The following UGT1A8 variants were observed in gnomAD, a reference collection of about 807,000 sequenced individuals.
The protein encoded by UGT1A8 is UDP-glucuronosyltransferase 1A8.
Under a neutral mutation model 45.3 loss-of-function variants are expected in UGT1A8, and 39 were observed. The observed-to-expected ratio is 0.86, with a 90% CI of 0.67 to 1.12. UGT1A8 has a LOEUF of 1.12. Among genes scored for constraint, UGT1A8 ranks in the 50% most tolerant of loss-of-function variants. The pLI is 0.00. For missense variants in UGT1A8, 719 were observed against 664.9 expected, an observed-to-expected ratio of 1.08 and a Z score of -0.90; for synonymous variants, 275 against 249.2, an observed-to-expected ratio of 1.10 and a Z score of -0.97.
intron 1 of UGT1A8, chr2:233,689,803 A>G (rs1559343828): frequency 3.4e-5 from 15 of 438,062 alleles, no homozygotes; most frequent in Non-Finnish European, 5.4e-5. Flanking sequence ...TGTAGTTTCT[A>G]TAGGAAACCA....
chr2:233,669,776 C>T (rs184924487), intron 1 of UGT1A8, among the ~76,000 whole-genome samples: 5 of 152,224 alleles, frequency 3.3e-5, no homozygotes, highest in South Asian at 2.1e-4. Context: ...CTCCGCTTCC[C>T]GGGTTCAAGT....
chr2:233,689,739 G>T (rs1053174218), intron 1 of UGT1A8, among the ~76,000 whole-genome samples: 3 of 152,308 alleles, frequency 2.0e-5, no homozygotes, highest in Admixed American at 6.5e-5. Flanking sequence ...AATCCATTTG[G>T]TGGGAGTCCA....
intron 1 of UGT1A8, among the ~76,000 whole-genome samples, chr2:233,646,528 T>G (rs973970168): frequency 8.5e-5 from 13 of 152,202 alleles, no homozygotes; most frequent in African/African-American, 3.1e-4. Flanking sequence ...GCTTTGCTTT[T>G]TAAAAATTTC....
At chr2:233,676,970 T>G (rs187885170) in intron 1 of UGT1A8, among the ~76,000 whole-genome samples, 1 of 152,324 alleles carries the variant, frequency 6.6e-6, no homozygotes, top group Non-Finnish European at 1.5e-5. Flanking sequence ...TGTGTAATAA[T>G]CTATAAATGA....
intron 1 of UGT1A8, among the ~76,000 whole-genome samples, chr2:233,744,682 A>C (rs1267258070): frequency 1.3e-5 from 2 of 151,904 alleles, no homozygotes; most frequent in African/African-American, 4.9e-5. Flanking sequence ...TCACCCATGT[A>C]GCTTCTGGAA....
chr2:233,692,620 A>G (rs1324523503), intron 1 of UGT1A8, among the ~76,000 whole-genome samples: 1 of 152,200 alleles, frequency 6.6e-6, no homozygotes, highest in Non-Finnish European at 1.5e-5. Flanking sequence ...CACATCATGG[A>G]CATAACAGAC....
rs146937754 is a variant in UGT1A8, at chr2:233,617,776, T to C, written c.69T>C (p.Ala23=). 1,029 of 1,614,078 alleles carry C rather than the reference T, an allele frequency of 6.4e-4. 5 individuals are homozygous for C. In the East Asian group the frequency reaches 0.011, roughly 17 times the overall value. The change falls in exon 1 of 5, where the codon GCT becomes GCC. Residue 23 remains alanine, a synonymous_variant. Coordinates refer to ENST00000373450, the MANE Select transcript of UGT1A8 (RefSeq NM_019076.5). ...CVSLLLTCGF[A]EAGKLLVVPM... is the part of the protein sequence containing the mutation. ...CTCTGCTGCTGACCTGTGGCTTTGC[T>C]GAGGCAGGGAAGCTGCTGGTAGTGC...
chr2:233,680,313 T>C (rs1352162267), intron 1 of UGT1A8, among the ~76,000 whole-genome samples: 1 of 152,168 alleles, frequency 6.6e-6, no homozygotes, highest in Non-Finnish European at 1.5e-5. Context: ...TGCAATTTAC[T>C]AGAGAGAAGA....
intron 1 of UGT1A8, among the ~76,000 whole-genome samples, chr2:233,726,661 A>G (rs2077549730): frequency 1.3e-5 from 2 of 152,200 alleles, no homozygotes; most frequent in Admixed American, 6.5e-5. Flanking sequence ...TAATTTAATC[A>G]TATCTGTGAA....
Position 233,714,266 on chromosome 2 carries a change from G to T in UGT1A8, c.856-52768G>T, listed in dbSNP as rs374255632. On this transcript the variant is annotated intron_variant, in intron 1 of 4. Transcript: ENST00000373450. Reference sequence around the variant, plus strand: ...GAGGAAGGAATAGAAATTTACAATTGTTGACGTGACAATTTTTAGTGGTCC... The same window carrying T: ...GAGGAAGGAATAGAAATTTACAATTTTTGACGTGACAATTTTTAGTGGTCC... Among the ~76,000 whole-genome samples the T allele has an allele frequency of 7.9e-5, 12 of 152,326 alleles. No homozygotes were observed. In the East Asian group the frequency reaches 2.3e-3, roughly 29 times the overall value.
rs180748838 is a variant in UGT1A8, at chr2:233,756,669, G to A, written c.856-10365G>A. ...AACATGGGATGCAGTGATTATTTCC[G>A]CTAGAACTGCTATATAATGACGATG... On this transcript the variant is annotated intron_variant, in intron 1 of 4. Transcript: ENST00000373450. 6.9e-4 allele frequency among the ~76,000 whole-genome samples: 105 copies of A among 152,198 alleles called. No homozygotes were observed. In the South Asian group the frequency reaches 9.1e-3, roughly 13 times the overall value.
chr2:233,755,095 C>T (rs1348652333), intron 1 of UGT1A8: 32 of 1,334,722 alleles, frequency 2.4e-5, no homozygotes, highest in Non-Finnish European at 3.1e-5. Context: ...CGTTTCTACG[C>T]GTCCGACAAC....
intron 1 of UGT1A8, among the ~76,000 whole-genome samples, chr2:233,703,998 C>A (rs2075762897): frequency 6.6e-6 from 1 of 151,952 alleles, no homozygotes; most frequent in South Asian, 2.1e-4. Flanking sequence ...TCAAGCAGTT[C>A]TCCCACCTCA....
At chr2:233,712,976 G>A (rs750445799) in intron 1 of UGT1A8, 18 of 1,612,962 alleles carry the variant, frequency 1.1e-5, no homozygotes, top group African/African-American at 6.7e-5. Flanking sequence ...GTCAGCTGTC[G>A]GTGGCTTCTG....
At chr2:233,768,541 A>C (rs1699639375) in intron 4 of UGT1A8, 102 bp downstream of exon 4, 3 of 1,492,216 alleles carry the variant, frequency 2.0e-6, no homozygotes, top group Non-Finnish European at 2.7e-6. Flanking sequence ...GTTGTTTCAA[A>C]TATAAAAACA....
intron 1 of UGT1A8, chr2:233,636,845 T>C (rs1323587461): frequency 2.5e-6 from 4 of 1,614,038 alleles, no homozygotes; most frequent in Non-Finnish European, 3.4e-6. Context: ...ATATTTTCTC[T>C]ATTAATGAGT....
intron 1 of UGT1A8, among the ~76,000 whole-genome samples, chr2:233,677,509 C>G (rs1272888813): frequency 6.6e-6 from 1 of 152,016 alleles, no homozygotes; most frequent in Non-Finnish European, 1.5e-5. Context: ...GTATTATATC[C>G]TGTATTATGA....
At chr2:233,623,656 A>G (rs1196345803) in intron 1 of UGT1A8, among the ~76,000 whole-genome samples, 1 of 152,174 alleles carries the variant, frequency 6.6e-6, no homozygotes, top group Admixed American at 6.5e-5. Context: ...CCAGTTCATA[A>G]TTAAATTTCC....
intron 1 of UGT1A8, among the ~76,000 whole-genome samples, chr2:233,654,382 CA>C (rs1184598362): frequency 2.0e-5 from 3 of 152,072 alleles, no homozygotes; most frequent in Non-Finnish European, 2.9e-5. Context: ...GATTGTGATC[CA>C]AACCCTATAG....
Sources: allele counts gnomAD v4.1 joint callset (sites outside exome capture counted in the v4.1 genomes callset), GRCh38; gene constraint gnomAD v4.1.1; transcripts MANE v1.5; gene names NCBI Gene and HGNC (gene_info 2026-07-23, HGNC 2026-07-21).